DSCAM: variants seen among roughly 807,000 people sequenced by gnomAD.
DSCAM encodes the protein cell adhesion molecule DSCAM.
A neutral mutation model predicts 217.7 loss-of-function variants in DSCAM; 47 were observed. That is an observed-to-expected ratio of 0.22 (90% confidence interval 0.17 to 0.28). The LOEUF (loss-of-function observed/expected upper bound fraction) is 0.28. Among genes scored for constraint, DSCAM ranks in the 10% least tolerant of loss-of-function variants. The probability of loss-of-function intolerance (pLI) is 1.00; values close to 1 mark genes in which losing one functional copy is unlikely to be tolerated. For synonymous variants in DSCAM, 1,056 were observed against 1,015.3 expected, an observed-to-expected ratio of 1.04 and a Z score of -0.76; for missense variants, 2,080 against 2,618.3, an observed-to-expected ratio of 0.79 and a Z score of 4.49.
chr21:40,685,013 G>A (rs907945067), intron 3 of DSCAM, among the ~76,000 whole-genome samples: 32 of 152,300 alleles, frequency 2.1e-4, no homozygotes, highest in African/African-American at 7.5e-4. Flanking sequence ...TGGAGCAAGG[G>A]AAGAGTATGA....
intron 11 of DSCAM, among the ~76,000 whole-genome samples, chr21:40,271,232 G>A (rs2073612135): frequency 6.6e-6 from 1 of 152,186 alleles, no homozygotes; most frequent in African/African-American, 2.4e-5. Context: ...GGCTGGACTA[G>A]AGCCCACGGG....
intron 3 of DSCAM, among the ~76,000 whole-genome samples, chr21:40,508,783 AT>A (rs1178142732): frequency 0.013 from 309 of 24,172 alleles, 3 homozygotes; most frequent in Non-Finnish European, 0.017. Context: ...ATATATATAT[AT>A]TTTTTTTTTT....
At chr21:40,401,837 T>C (rs2075236415) in intron 3 of DSCAM, among the ~76,000 whole-genome samples, 1 of 151,852 alleles carries the variant, frequency 6.6e-6, no homozygotes, top group Non-Finnish European at 1.5e-5. Context: ...GCTGCTGACC[T>C]GGAGACCTGC....
intron 20 of DSCAM, among the ~76,000 whole-genome samples, chr21:40,106,773 A>G (rs150969012): frequency 1.3e-5 from 2 of 152,270 alleles, no homozygotes; most frequent in East Asian, 3.9e-4. Context: ...TGTTCATAAT[A>G]TTCTCTGATG....
At chr21:40,693,293 G>A (rs1471035202) in intron 2 of DSCAM, among the ~76,000 whole-genome samples, 1 of 152,018 alleles carries the variant, frequency 6.6e-6, no homozygotes, top group Admixed American at 6.6e-5. Flanking sequence ...AAAAATTGCT[G>A]GGCATGGTGG....
At chr21:40,175,950 A>G (rs1222761415) in intron 15 of DSCAM, among the ~76,000 whole-genome samples, 1 of 151,770 alleles carries the variant, frequency 6.6e-6, no homozygotes, top group Non-Finnish European at 1.5e-5. Context: ...ACAGAATTGT[A>G]AGCACATATG....
chr21:40,367,920 A>G (rs1298559140), intron 4 of DSCAM, among the ~76,000 whole-genome samples: 4 of 152,234 alleles, frequency 2.6e-5, no homozygotes, highest in Non-Finnish European at 5.9e-5. Context: ...TTGAAACATT[A>G]GTGAATCACT....
intron 3 of DSCAM, among the ~76,000 whole-genome samples, chr21:40,456,803 G>C (rs761935597): frequency 1.3e-5 from 2 of 152,006 alleles, no homozygotes; most frequent in African/African-American, 4.8e-5. Flanking sequence ...GTTAATGGGT[G>C]CTCACAATAC....
chr21:40,478,534 T>C (rs2075956337), intron 3 of DSCAM, among the ~76,000 whole-genome samples: 1 of 152,212 alleles, frequency 6.6e-6, no homozygotes, highest in Non-Finnish European at 1.5e-5. Context: ...TTATAGCCAC[T>C]TTTTGTTACA....
chr21:40,826,838 G>A (rs1360933607), intron 1 of DSCAM, among the ~76,000 whole-genome samples: 2 of 152,220 alleles, frequency 1.3e-5, no homozygotes, highest in Non-Finnish European at 2.9e-5. Flanking sequence ...GTAAAGGGAT[G>A]TTGAGTAGGC....
chr21:40,583,105 A>G (rs891755795), intron 3 of DSCAM, among the ~76,000 whole-genome samples: 4 of 152,220 alleles, frequency 2.6e-5, no homozygotes, highest in Non-Finnish European at 5.9e-5. Flanking sequence ...TCAGGCAAGT[A>G]CAAAGTAGAA....
intron 3 of DSCAM, among the ~76,000 whole-genome samples, chr21:40,638,211 A>G (rs563179360): frequency 3.5e-4 from 53 of 152,124 alleles, no homozygotes; most frequent in East Asian, 3.5e-3. Context: ...TTTTTTCTGT[A>G]TTTGCCCTGC....
At chr21:40,154,247 TTTTTC>T (rs757985918) in intron 16 of DSCAM, among the ~76,000 whole-genome samples, 27 of 150,840 alleles carry the variant, frequency 1.8e-4, no homozygotes, top group Non-Finnish European at 3.5e-4. Flanking sequence ...TCCTTCCCTC[TTTTTC>T]TTTTATTTTT....
At chr21:40,147,427 A>T (rs1451912457) in intron 16 of DSCAM, among the ~76,000 whole-genome samples, 1 of 152,218 alleles carries the variant, frequency 6.6e-6, no homozygotes, top group Non-Finnish European at 1.5e-5. Flanking sequence ...TAGACAACGC[A>T]GGTGTTTTTG....
At chr21:40,383,454 T>A (rs949948054) in intron 3 of DSCAM, 1 of 152,226 alleles carries the variant, frequency 6.6e-6, no homozygotes, top group African/African-American at 2.4e-5. Context: ...TCCGGACACA[T>A]GGTGAGACTT....
intron 10 of DSCAM, among the ~76,000 whole-genome samples, chr21:40,282,190 T>C (rs985404060): frequency 4.6e-5 from 7 of 152,178 alleles, no homozygotes; most frequent in African/African-American, 1.7e-4. Flanking sequence ...TAAAGGCTAT[T>C]AATGTCGTTC....
chr21:40,175,805 A>ACACACACACACGCACG (rs879840957), intron 15 of DSCAM, among the ~76,000 whole-genome samples: 1 of 112,534 alleles, frequency 8.9e-6, no homozygotes, highest in African/African-American at 3.3e-5. Flanking sequence ...ACACACACAC[A>ACACACACACACGCACG]CACGCACACA....
At chr21:40,545,649 G>T (rs2076576321) in intron 3 of DSCAM, among the ~76,000 whole-genome samples, 1 of 152,116 alleles carries the variant, frequency 6.6e-6, no homozygotes, top group African/African-American at 2.4e-5. Context: ...ACTTGGCAGG[G>T]GTAAGAATTG....
intron 18 of DSCAM, among the ~76,000 whole-genome samples, 187 bp downstream of exon 18, chr21:40,142,371 G>T (rs1047253138): frequency 6.6e-6 from 1 of 152,174 alleles, no homozygotes; most frequent in Non-Finnish European, 1.5e-5. Flanking sequence ...TTTCGAAGGT[G>T]TGTGATGTTT....
Sources: allele counts gnomAD v4.1 joint callset (sites outside exome capture counted in the v4.1 genomes callset), GRCh38; gene constraint gnomAD v4.1.1; transcripts MANE v1.5; gene names NCBI Gene and HGNC (gene_info 2026-07-23, HGNC 2026-07-21).